Variants in STON2 observed in about 807,000 individuals in gnomAD.
The protein encoded by STON2 is stonin 2, also known as stonin-2.
STON2 carries 29 observed loss-of-function variants against 65.7 expected under a neutral mutation model. The ratio of observed to expected loss-of-function variants is 0.44; its 90% CI spans 0.33 to 0.60. The LOEUF is 0.60. Ranked by LOEUF, STON2 falls within the 20% of genes least tolerant of loss-of-function variation. The pLI, the probability that STON2 is intolerant of heterozygous loss-of-function variation, is 0.03. For missense variants in STON2, 1,054 were observed against 1,118.1 expected (o/e 0.94, Z 0.82); for synonymous variants, 404 against 414.2 (o/e 0.98, Z 0.30).
intron 5 of STON2, among the ~76,000 whole-genome samples, chr14:81,302,981 T>C (rs1896025211): frequency 6.6e-6 from 1 of 152,122 alleles, no homozygotes; most frequent in Middle Eastern, 3.2e-3. Flanking sequence ...AAATATTTGC[T>C]GAGTTGATTG....
chr14:81,280,618 A>C (rs1352881064), intron 5 of STON2, among the ~76,000 whole-genome samples: 1 of 152,212 alleles, frequency 6.6e-6, no homozygotes, highest in Non-Finnish European at 1.5e-5. Context: ...ACATAATTGC[A>C]CATAATTATA....
Position 81,276,883 on chromosome 14 carries a change from A to G in STON2, c.2581+18T>C. 6.3e-7 allele frequency: 1 copy of G among 1,599,310 alleles called. No individual in the cohort carries two copies. The highest frequency in any genetic ancestry group is 8.5e-7 in the Non-Finnish European group (1 of 1,170,762). Reference sequence around the variant, plus strand: ...ACAACTGTATGTTTGTTTTCACAGAAGAGGAACCACCACCCACCTGAGTTT... The same window carrying G: ...ACAACTGTATGTTTGTTTTCACAGAGGAGGAACCACCACCCACCTGAGTTT... On this transcript the variant is annotated intron_variant, in intron 6 of 7. Coordinates refer to ENST00000614646, the MANE Select transcript of STON2 (RefSeq NM_001394390.1).
At position 81,413,363 on chromosome 14, in the gene STON2, T is replaced by C. The variant is rs1901264921; in HGVS notation, c.-199+13739A>G. The C allele has an allele frequency of 5.4e-6, 4 of 736,306 alleles. 1 individual carries two copies. The Admixed American group carries it at 9.1e-5, about 17-fold the overall frequency. 45.6% of individuals were successfully genotyped at this position (736,306 alleles called of 1,614,324 possible). Reference sequence around the variant, plus strand: ...GAACACCTCGATGTTCGAACCTTTATTGTGTTTTATACAGGGCATTCTCTG... The same window carrying C: ...GAACACCTCGATGTTCGAACCTTTACTGTGTTTTATACAGGGCATTCTCTG... On this transcript the variant is annotated intron_variant, in intron 2 of 8. Coordinates refer to the STON2 transcript ENST00000553821.
At chr14:81,416,097 C>T (rs530917502) in intron 2 of STON2, among the ~76,000 whole-genome samples, 2 of 152,152 alleles carry the variant, frequency 1.3e-5, no homozygotes, top group Non-Finnish European at 2.9e-5. Flanking sequence ...CCAAGTCCCC[C>T]GTTGTTAACT....
chr14:81,268,637 T>C, intron 7 of STON2, 140 bp from the exon 8 acceptor site: 1 of 1,229,892 alleles, frequency 8.1e-7, no homozygotes, highest in Non-Finnish European at 1.0e-6. Flanking sequence ...ACATTGGAGC[T>C]ACTGGCCCTG....
chr14:81,264,216 G>T lies in STON2; in HGVS notation c.*4198C>A, dbSNP rs913283656. The T allele has an allele frequency of 7.7e-5, 76 of 985,310 alleles. No individual in the cohort carries two copies. The highest frequency in any genetic ancestry group is 8.9e-5 in the Non-Finnish European group (74 of 829,938). The allele number at this position is 985,310 out of a possible 1,614,324, so 61.0% of individuals were successfully genotyped here. Reference sequence around the variant, plus strand: ...TTCAATGTGAATGAGGTACATTGTAGTTCAAATTCAGCAGCATATTAAGTG... The same window carrying T: ...TTCAATGTGAATGAGGTACATTGTATTTCAAATTCAGCAGCATATTAAGTG... On this transcript the variant is annotated 3_prime_UTR_variant, in exon 8 of 8. Coordinates refer to ENST00000614646, the MANE Select transcript of STON2 (RefSeq NM_001394390.1).
chr14:81,348,553 C>T (rs555715763), intron 4 of STON2, among the ~76,000 whole-genome samples: 1 of 152,086 alleles, frequency 6.6e-6, no homozygotes, highest in African/African-American at 2.4e-5. Context: ...AGGTGAAAGA[C>T]TTCTACAAGG....
intron 4 of STON2, among the ~76,000 whole-genome samples, chr14:81,331,648 G>A (rs1897220287): frequency 6.6e-6 from 1 of 152,186 alleles, no homozygotes; most frequent in Admixed American, 6.5e-5. Context: ...AAGGCCTCCA[G>A]GCCTAAATCC....
intron 5 of STON2, among the ~76,000 whole-genome samples, chr14:81,312,421 G>A (rs1896460830): frequency 1.3e-5 from 2 of 152,186 alleles, no homozygotes; most frequent in African/African-American, 2.4e-5. Flanking sequence ...ACGCAAAGAG[G>A]CTACTTCACT....
In STON2 at chr14:81,324,035, C is replaced by G. The variant is rs148314508; in HGVS notation, c.724G>C (p.Gly242Arg). 1.7e-3 allele frequency among the ~76,000 whole-genome samples: 255 copies of G among 152,352 alleles called. 1 individual carries two copies. Among genetic ancestry groups the G allele is most frequent in the African/African-American group, 5.8e-3 (243 of 41,582 alleles). The change falls in exon 5 of 8, where the codon GGG becomes CGG. Residue 242 changes from glycine to arginine, a missense_variant. Coordinates refer to ENST00000614646, the MANE Select transcript of STON2 (RefSeq NM_001394390.1). ...CCCTTACCATTGGGAGCAGAGGCCC[C>G]CTCCGGACCCTCGCCGGGGTTCTGG... ...RSQNPGEGPE[G>R]ASAPNDNSSS... is the part of the protein sequence containing the mutation.
intron 5 of STON2, among the ~76,000 whole-genome samples, chr14:81,281,971 T>A (rs1175183367): frequency 6.6e-6 from 1 of 152,222 alleles, no homozygotes; most frequent in Admixed American, 6.5e-5. Context: ...AAACTTATTC[T>A]CTGGGATGGT....
intron 5 of STON2, among the ~76,000 whole-genome samples, chr14:81,321,606 T>A (rs1368933260): frequency 6.6e-6 from 1 of 152,102 alleles, no homozygotes; most frequent in Non-Finnish European, 1.5e-5. Context: ...GCAACAGAAG[T>A]AGATGCAAAA....
chr14:81,261,404 T>C lies in STON2; in HGVS notation c.*7010A>G, dbSNP rs1894138107. ...CCAGTTGGAATCAATCCAACACATC[T>C]GACTACCACAAATACAACCAGAAAA... is the stretch of plus-strand genomic sequence containing the variant. On this transcript the variant is annotated 3_prime_UTR_variant, in exon 8 of 8. Coordinates refer to ENST00000614646, the MANE Select transcript of STON2 (RefSeq NM_001394390.1). 6.4e-6 allele frequency: 1 copy of C among 155,710 alleles called. No individual in the cohort carries two copies. Among genetic ancestry groups the C allele is most frequent in the African/African-American group, 2.4e-5 (1 of 41,688 alleles). 9.6% of individuals were successfully genotyped at this position (155,710 alleles called of 1,614,324 possible). A position where few individuals can be genotyped will look rare whatever the true frequency, so the allele number is the denominator to read the frequency against.
intron 2 of STON2, among the ~76,000 whole-genome samples, chr14:81,416,276 G>A (rs968315686): frequency 2.0e-5 from 3 of 152,192 alleles, no homozygotes; most frequent in African/African-American, 7.2e-5. Flanking sequence ...AAGATTGGGA[G>A]GAGTTAGCCT....
chr14:81,391,299 G>A (rs1900065169), intron 3 of STON2, among the ~76,000 whole-genome samples: 2 of 152,218 alleles, frequency 1.3e-5, no homozygotes, highest in South Asian at 4.1e-4. Context: ...CATAATGCCT[G>A]CAGTTACATA....
chr14:81,307,189 C>T (rs1177998790), intron 5 of STON2, among the ~76,000 whole-genome samples: 1 of 152,204 alleles, frequency 6.6e-6, no homozygotes, highest in Non-Finnish European at 1.5e-5. Context: ...AGAAATTACA[C>T]CTTCAAGTGA....
At chr14:81,370,633 A>G (rs1346825666) in intron 4 of STON2, among the ~76,000 whole-genome samples, 1 of 152,264 alleles carries the variant, frequency 6.6e-6, no homozygotes, top group Non-Finnish European at 1.5e-5. Context: ...ATGCATGGGT[A>G]GTAGGATGAA....
intron 3 of STON2, among the ~76,000 whole-genome samples, chr14:81,371,611 C>T (rs558577689): frequency 4.2e-5 from 6 of 142,138 alleles, no homozygotes; most frequent in Non-Finnish European, 6.0e-5. Flanking sequence ...AGGAGAATGG[C>T]GTGAACCCAG....
intron 4 of STON2, among the ~76,000 whole-genome samples, chr14:81,334,134 G>C (rs2140275426): frequency 6.6e-6 from 1 of 152,290 alleles, no homozygotes; most frequent in African/African-American, 2.4e-5. Flanking sequence ...TGAAAGGCCA[G>C]GTAAGATTTC....
Sources: allele counts gnomAD v4.1 joint callset (sites outside exome capture counted in the v4.1 genomes callset), GRCh38; gene constraint gnomAD v4.1.1; transcripts MANE v1.5; gene names NCBI Gene and HGNC (gene_info 2026-07-23, HGNC 2026-07-21).